The following ZGRF1 variants were observed in gnomAD, a reference collection of about 807,000 sequenced individuals.
ZGRF1 encodes 5'-3' DNA helicase ZGRF1.
Under a neutral mutation model 203.5 loss-of-function variants are expected in ZGRF1, and 196 were observed. That is an observed-to-expected ratio of 0.96 (90% CI 0.86 to 1.08). The LOEUF (loss-of-function observed/expected upper bound fraction) is 1.08. Ranked by LOEUF, ZGRF1 falls within the 50% of genes least tolerant of loss-of-function variation. ZGRF1 has a pLI of 0.00. For synonymous variants in ZGRF1, 809 were observed against 841.3 expected (o/e 0.96, Z 0.66); for missense variants, 2,326 against 2,416.3 (o/e 0.96, Z 0.78).
At chr4:112,607,415 T>C (rs1457534895) in intron 8 of ZGRF1, among the ~76,000 whole-genome samples, 1 of 152,260 alleles carries the variant, frequency 6.6e-6, no homozygotes, top group Non-Finnish European at 1.5e-5. Flanking sequence ...ATTACCCGTG[T>C]GAGCCACTGT....
intron 19 of ZGRF1, among the ~76,000 whole-genome samples, chr4:112,559,894 A>G (rs1405220691): frequency 6.6e-6 from 1 of 152,180 alleles, no homozygotes; most frequent in Non-Finnish European, 1.5e-5. Context: ...GATACAAGTA[A>G]ACTGGAGAAG....
In ZGRF1 at chr4:112,581,874, C is replaced by T. The variant is rs1022368087; in HGVS notation, c.4299-72G>A. On this transcript the variant is annotated intron_variant, in intron 15 of 27. Transcript: ENST00000505019. ...AAGTTTTTTGAAAATCTTTAAAATA[C>T]AGTATGAAAAGAACCAGGGTTTCAT... The T allele has an allele frequency of 6.6e-6, 5 of 754,930 alleles. No homozygotes were observed. The Admixed American group carries it at 1.2e-4, about 19-fold the overall frequency. The allele number at this position is 754,930 out of a possible 1,614,324, so 46.8% of individuals were successfully genotyped here.
At chr4:112,601,375 T>C (rs899814798) in intron 10 of ZGRF1, among the ~76,000 whole-genome samples, 1 of 151,734 alleles carries the variant, frequency 6.6e-6, no homozygotes, top group African/African-American at 2.4e-5. Context: ...CATAGCAAAT[T>C]GTTAAGCTAG....
rs747683263 is a variant in ZGRF1, at chr4:112,617,495, ATTTTTC to A, written c.2541_2546del (p.Lys847_Lys848del). ...GTTGAGTTCCTTGCTGAAAGACAGTATTTTTCTTTTTCAATATTTCCAAGCTGTCTA... is the reference window on the plus strand; with the variant it reads ...GTTGAGTTCCTTGCTGAAAGACAGTATTTTTCAATATTTCCAAGCTGTCTA... On this transcript the variant is annotated inframe_deletion, in exon 6 of 28. Transcript: ENST00000505019. 12 of 1,598,130 alleles carry A rather than the reference ATTTTTC, an allele frequency of 7.5e-6. No homozygotes were observed. Among genetic ancestry groups the A allele is most frequent in the Admixed American group, 3.6e-5 (2 of 55,602 alleles).
In ZGRF1 at chr4:112,617,932, G is replaced by A. The variant is rs988724105; in HGVS notation, c.2110C>T (p.Leu704=). The change falls in exon 6 of 28, where the codon CTA becomes TTA. Residue 704 remains leucine, a synonymous_variant. Coordinates refer to ENST00000505019, the MANE Select transcript of ZGRF1 (RefSeq NM_018392.5). ...TGAGGTTGAGCATCTTCTGAAAATA[G>A]ATTACTGTTTTCAGCAATCTGGTTT... ...IQNQIAENSN[L]FSEDAQPQPF... The A allele has an allele frequency of 1.2e-6, 2 of 1,613,400 alleles. No individual in the cohort carries two copies. The highest frequency in any genetic ancestry group is 2.7e-5 in the African/African-American group (2 of 74,924).
intron 15 of ZGRF1, 31 bp downstream of exon 15, chr4:112,583,947 A>T: frequency 7.2e-7 from 1 of 1,397,080 alleles, no homozygotes; most frequent in Non-Finnish European, 9.8e-7. Flanking sequence ...TTATATAATC[A>T]CAGGCAATTA....
In ZGRF1 at chr4:112,579,004, T is replaced by C. The variant is rs1364257159; in HGVS notation, c.4438+2659A>G. 6.5e-5 allele frequency among the ~76,000 whole-genome samples: 8 copies of C among 122,704 alleles called. 3 individuals carry two copies. Among genetic ancestry groups the C allele is most frequent in the Non-Finnish European group, 1.5e-4 (8 of 55,026 alleles). The allele number at this position is 122,704 out of a possible 152,430, so 80.5% of individuals were successfully genotyped here. The stretch of plus-strand genomic sequence containing the variant: ...TTTAGACCAATATCCCTGATGAACA[T>C]CGATGCAAAAATCCTCAATAAAATA... On this transcript the variant is annotated intron_variant, in intron 16 of 27. Coordinates refer to ENST00000505019, the MANE Select transcript of ZGRF1 (RefSeq NM_018392.5).
chr4:112,575,177 C>T lies in ZGRF1; in HGVS notation c.4438+6486G>A, dbSNP rs79212471. Among the ~76,000 whole-genome samples, 1,139 of 152,102 alleles carry T rather than the reference C, an allele frequency of 7.5e-3. 33 individuals carry two copies. In the East Asian group the frequency reaches 0.093, roughly 12 times the overall value. On this transcript the variant is annotated intron_variant, in intron 16 of 27. Coordinates refer to ENST00000505019, the MANE Select transcript of ZGRF1 (RefSeq NM_018392.5). ...TTATTACGTATTTTCAGTTTATTTTCGACATTAAATCAGAGCACAGTTGAA... is the reference window on the plus strand; with the variant it reads ...TTATTACGTATTTTCAGTTTATTTTTGACATTAAATCAGAGCACAGTTGAA...
chr4:112,571,713 C>T (rs1744247865), intron 16 of ZGRF1, among the ~76,000 whole-genome samples: 2 of 152,094 alleles, frequency 1.3e-5, no homozygotes, highest in South Asian at 4.1e-4. Context: ...AAGATGTCAT[C>T]CCTTCTCAAC....
rs186617115 is a variant in ZGRF1, at chr4:112,631,916, T to C, written c.102+14A>G. ...CTTGCTCTTGCACCCTATAGTCAACTGCTTTGTACTCACTTTGTTTCCTAA... is the reference window on the plus strand; with the variant it reads ...CTTGCTCTTGCACCCTATAGTCAACCGCTTTGTACTCACTTTGTTTCCTAA... On this transcript the variant is annotated intron_variant, in intron 3 of 27. Transcript: ENST00000505019. 8.5e-5 allele frequency: 129 copies of C among 1,512,770 alleles called. No individual in the cohort carries two copies. The African/African-American group carries it at 1.6e-3, about 18-fold the overall frequency. 93.7% of individuals were successfully genotyped at this position (1,512,770 alleles called of 1,614,324 possible).
At chr4:112,574,962 A>G (rs1201703792) in intron 16 of ZGRF1, among the ~76,000 whole-genome samples, 1 of 151,862 alleles carries the variant, frequency 6.6e-6, no homozygotes, top group African/African-American at 2.4e-5. Context: ...GGAGGCAGAG[A>G]CTGCAGTGAA....
rs1741856028 is a variant in ZGRF1, at chr4:112,560,958, T to C, written c.4735A>G (p.Lys1579Glu). 6.2e-7 allele frequency: 1 copy of C among 1,611,168 alleles called. No individual in the cohort carries two copies. Among genetic ancestry groups the C allele is most frequent in the African/African-American group, 1.3e-5 (1 of 74,916 alleles). Residue 1579 changes from lysine (K) to glutamate (E), a missense_variant, in exon 19 of 28, where the codon AAG becomes GAG. Lys to Glu is a moderately conservative substitution (Grantham distance 56). Coordinates refer to ENST00000505019, the MANE Select transcript of ZGRF1 (RefSeq NM_018392.5). Reference sequence around the variant, plus strand: ...AAGGCTGGTGGGATAAATTTTCTCTTACTGACTCTTTTGTTACTAACTATA... The same window carrying C: ...AAGGCTGGTGGGATAAATTTTCTCTCACTGACTCTTTTGTTACTAACTATA... Reference protein sequence around the residue: ...PTIVSNKRVSKRKFIPPAFTN... With the variant: ...PTIVSNKRVSERKFIPPAFTN...
intron 2 of ZGRF1, among the ~76,000 whole-genome samples, chr4:112,632,560 T>C (rs2047446288): frequency 6.6e-6 from 1 of 152,222 alleles, no homozygotes; most frequent in Non-Finnish European, 1.5e-5. Context: ...ATATGCAATA[T>C]TGTAAGATTC....
At chr4:112,543,186 T>G (rs1738038323) in intron 24 of ZGRF1, among the ~76,000 whole-genome samples, 1 of 152,198 alleles carries the variant, frequency 6.6e-6, no homozygotes, top group Non-Finnish European at 1.5e-5. Flanking sequence ...CTCTCTTTTT[T>G]GTTAGATAAA....
chr4:112,597,689 G>A (rs1435624629), intron 10 of ZGRF1, among the ~76,000 whole-genome samples: 1 of 151,672 alleles, frequency 6.6e-6, no homozygotes. Flanking sequence ...GACCAGCCTG[G>A]CCAAGATGGA....
intron 10 of ZGRF1, among the ~76,000 whole-genome samples, chr4:112,599,982 G>A (rs1347039690): frequency 1.3e-5 from 2 of 152,098 alleles, no homozygotes; most frequent in South Asian, 2.1e-4. Flanking sequence ...AATGTGAAAT[G>A]TAAATTAATA....
In ZGRF1 at chr4:112,587,585, C is replaced by A. The variant is rs779941591; in HGVS notation, c.3472G>T (p.Ala1158Ser). 15 of 1,613,722 alleles carry A rather than the reference C, an allele frequency of 9.3e-6. No homozygotes were observed. The highest frequency in any genetic ancestry group is 1.0e-5 in the Non-Finnish European group (12 of 1,179,832). Residue 1158 changes from alanine to serine, a missense_variant, in exon 12 of 28, where the codon GCT (alanine) becomes TCT (serine). Physicochemically the swap from Ala to Ser is moderately conservative, Grantham distance 99 (BLOSUM62 1). Transcript: ENST00000505019. ...CTCTTATCAACTCTGTTTGGAGTAG[C>A]CACGTTGCATTGGGATGTGTTTTGA... ...KYQNTSQCNV[A>S]TPNRVDKRIT...
intron 4 of ZGRF1, among the ~76,000 whole-genome samples, chr4:112,621,379 G>A (rs1311192989): frequency 1.3e-5 from 2 of 152,088 alleles, no homozygotes; most frequent in Non-Finnish European, 2.9e-5. Flanking sequence ...ACCAGACGCA[G>A]TGGCTCACAC....
At chr4:112,576,395 C>T (rs998970821) in intron 16 of ZGRF1, among the ~76,000 whole-genome samples, 1 of 152,204 alleles carries the variant, frequency 6.6e-6, no homozygotes, top group South Asian at 2.1e-4. Context: ...AGGAACGCAG[C>T]TCCTCACCAG....
Sources: allele counts gnomAD v4.1 joint callset (sites outside exome capture counted in the v4.1 genomes callset), GRCh38; gene constraint gnomAD v4.1.1; transcripts MANE v1.5; gene names NCBI Gene and HGNC (gene_info 2026-07-23, HGNC 2026-07-21).